PPIG: variants seen among roughly 807,000 people sequenced by gnomAD.
PPIG encodes peptidylprolyl isomerase G.
Under a neutral mutation model 87.9 loss-of-function variants are expected in PPIG, and 26 were observed. The ratio of observed to expected loss-of-function variants is 0.30; its 90% confidence interval spans 0.22 to 0.41. The LOEUF (loss-of-function observed/expected upper bound fraction) is 0.41, where lower values mean the gene tolerates loss of function less well. Ranked by LOEUF, PPIG falls within the 10% of genes least tolerant of loss-of-function variation. The pLI is 1.00. For synonymous variants in PPIG, 308 were observed against 276.5 expected (o/e 1.11, Z -1.13); for missense variants, 722 against 879.4 (o/e 0.82, Z 2.26).
At chr2:169,589,939 G>A (rs920219695) in intron 1 of PPIG, among the ~76,000 whole-genome samples, 9 of 151,784 alleles carry the variant, frequency 5.9e-5, no homozygotes, top group African/African-American at 1.7e-4. Flanking sequence ...GAGAAACCCC[G>A]TCTCTACTAA....
At chr2:169,629,690 C>T (rs1475232505) in intron 9 of PPIG, among the ~76,000 whole-genome samples, 1 of 152,210 alleles carries the variant, frequency 6.6e-6, no homozygotes, top group Non-Finnish European at 1.5e-5. Flanking sequence ...AGGAGTCACA[C>T]AGGACAAGTT....
chr2:169,614,344 G>T (rs1462755128), intron 7 of PPIG, 120 bp from the exon 8 acceptor site: 9 of 903,106 alleles, frequency 1.0e-5, no homozygotes, highest in Non-Finnish European at 1.0e-5. Context: ...TAAGATAGCA[G>T]TTGATGTCTT....
chr2:169,608,783 T>G (rs576865283), intron 7 of PPIG, 25 bp downstream of exon 7: 2 of 1,543,190 alleles, frequency 1.3e-6, no homozygotes, highest in South Asian at 2.2e-5. Flanking sequence ...TCTGATGATT[T>G]AAAACATCCC....
At chr2:169,596,921 T>G (rs1685035411) in intron 1 of PPIG, among the ~76,000 whole-genome samples, 1 of 151,946 alleles carries the variant, frequency 6.6e-6, no homozygotes, top group African/African-American at 2.4e-5. Flanking sequence ...AGGGTGGTCT[T>G]GAACTCCTGA....
Position 169,637,649 on chromosome 2 carries a change from T to C in PPIG, c.*126T>C. The C allele has an allele frequency of 9.9e-7, 1 of 1,011,952 alleles. No homozygotes were observed. The allele number at this position is 1,011,952 out of a possible 1,614,324, so 62.7% of individuals were successfully genotyped here. ...ATTGTTTTATGTTTGTCCTTTTTTT[T>C]CTTAATGTGGATTTCATTGAGTTGA... is the stretch of plus-strand genomic sequence containing the variant. On this transcript the variant is annotated 3_prime_UTR_variant, in exon 14 of 14. Coordinates refer to ENST00000260970, the MANE Select transcript of PPIG (RefSeq NM_004792.3).
At chr2:169,589,896 G>A (rs1037460311) in intron 1 of PPIG, among the ~76,000 whole-genome samples, 1 of 151,622 alleles carries the variant, frequency 6.6e-6, no homozygotes. Context: ...GATCACCTGC[G>A]ATTGGGAGTT....
At chr2:169,599,769 G>A (rs1016482485) in intron 1 of PPIG, among the ~76,000 whole-genome samples, 1 of 152,170 alleles carries the variant, frequency 6.6e-6, no homozygotes, top group African/African-American at 2.4e-5. Context: ...GTTGCTTAAG[G>A]TTCTGCAGTG....
chr2:169,603,971 G>A, intron 2 of PPIG, 55 bp from the exon 3 acceptor site: 1 of 1,382,086 alleles, frequency 7.2e-7, no homozygotes, highest in Non-Finnish European at 1.0e-6. Context: ...CCAGAAATTT[G>A]TGAAAGATCT....
intron 7 of PPIG, among the ~76,000 whole-genome samples, chr2:169,611,930 A>G (rs548007771): frequency 4.1e-4 from 62 of 152,254 alleles, no homozygotes; most frequent in Middle Eastern, 6.8e-3. Context: ...AAGATTTGCC[A>G]TTTTAACCAT....
At chr2:169,635,507 T>G (rs1191746880) in intron 12 of PPIG, among the ~76,000 whole-genome samples, 1 of 152,196 alleles carries the variant, frequency 6.6e-6, no homozygotes, top group Non-Finnish European at 1.5e-5. Flanking sequence ...TTCATTCACA[T>G]GCTCTCCAAG....
At chr2:169,626,189 T>C (rs1685882382) in intron 9 of PPIG, among the ~76,000 whole-genome samples, 2 of 152,226 alleles carry the variant, frequency 1.3e-5, no homozygotes, top group Non-Finnish European at 2.9e-5. Flanking sequence ...TTTTAAAATT[T>C]AGGTTAACAC....
At position 169,639,761 on chromosome 2, in the gene PPIG, G is replaced by T. The variant is rs557704839; in HGVS notation, c.*2238G>T. 3.3e-5 allele frequency: 5 copies of T among 152,214 alleles called. No homozygotes were observed. The highest frequency in any genetic ancestry group is 1.2e-4 in the African/African-American group (5 of 41,562). 9.4% of individuals were successfully genotyped at this position (152,214 alleles called of 1,614,324 possible). A position where few individuals can be genotyped will look rare whatever the true frequency, so the allele number is the denominator to read the frequency against. On this transcript the variant is annotated 3_prime_UTR_variant, in exon 14 of 14. Coordinates refer to ENST00000260970, the MANE Select transcript of PPIG (RefSeq NM_004792.3). ...GCATTAACTGTACCTCAGGATCTGC[G>T]CATGCATCTGAATAGCACACGGCTC... is the stretch of plus-strand genomic sequence containing the variant.
intron 6 of PPIG, among the ~76,000 whole-genome samples, chr2:169,608,046 A>G (rs913423877): frequency 1.3e-5 from 2 of 152,200 alleles, no homozygotes; most frequent in African/African-American, 2.4e-5. Context: ...TTGCTTTTTA[A>G]AGATAGTTTC....
At chr2:169,610,740 A>G (rs1306854155) in intron 7 of PPIG, among the ~76,000 whole-genome samples, 1 of 152,222 alleles carries the variant, frequency 6.6e-6, no homozygotes, top group East Asian at 1.9e-4. Flanking sequence ...ATGGCATACC[A>G]TGTATACTGT....
At chr2:169,621,461 C>T (rs368082288) in intron 9 of PPIG, among the ~76,000 whole-genome samples, 2 of 152,010 alleles carry the variant, frequency 1.3e-5, no homozygotes, top group Admixed American at 6.6e-5. Flanking sequence ...TATTTACAAA[C>T]AACAGGTGTA....
intron 1 of PPIG, among the ~76,000 whole-genome samples, chr2:169,591,773 A>G (rs1026587946): frequency 4.7e-5 from 4 of 85,128 alleles, no homozygotes; most frequent in African/African-American, 1.9e-4. Context: ...ACAGTGCCAC[A>G]TATTGTGATT....
intron 9 of PPIG, among the ~76,000 whole-genome samples, chr2:169,628,419 CAG>C (rs1685952147): frequency 6.6e-6 from 1 of 152,204 alleles, no homozygotes; most frequent in Admixed American, 6.5e-5. Flanking sequence ...GCAGTCTGCA[CAG>C]TGAACCAGAA....
At chr2:169,596,569 G>A (rs1282031009) in intron 1 of PPIG, among the ~76,000 whole-genome samples, 2 of 152,174 alleles carry the variant, frequency 1.3e-5, no homozygotes, top group East Asian at 3.8e-4. Flanking sequence ...ACACTCAGCA[G>A]CCTGAAGGGC....
In PPIG at chr2:169,614,931, T is replaced by C. The variant is rs541453018; in HGVS notation, c.547+207T>C. Among the ~76,000 whole-genome samples the C allele has an allele frequency of 1.9e-3, 287 of 152,360 alleles. 1 individual carries two copies. The highest frequency in any genetic ancestry group is 6.3e-3 in the African/African-American group (264 of 41,588). ...GTGAACAATATGATGTTTTGAAGTA[T>C]GTATATGTTGTGGAATGGCTAAATT... On this transcript the variant is annotated intron_variant, in intron 9 of 13. Coordinates refer to ENST00000260970, the MANE Select transcript of PPIG (RefSeq NM_004792.3).
Sources: allele counts gnomAD v4.1 joint callset (sites outside exome capture counted in the v4.1 genomes callset), GRCh38; gene constraint gnomAD v4.1.1; transcripts MANE v1.5; gene names NCBI Gene and HGNC (gene_info 2026-07-23, HGNC 2026-07-21).